The following APBA1 variants were observed in gnomAD, a reference collection of about 807,000 sequenced individuals.
The protein encoded by APBA1 is amyloid beta precursor protein binding family A member 1.
In APBA1, 55 loss-of-function variants were observed where a neutral mutation model predicts 86.6. That is an observed-to-expected ratio of 0.64 (90% CI 0.51 to 0.80). The LOEUF is 0.80. Ranked by LOEUF, APBA1 falls within the 30% of genes least tolerant of loss-of-function variation. The probability of loss-of-function intolerance (pLI) is 0.00; values close to 1 mark genes in which losing one functional copy is unlikely to be tolerated. For missense variants in APBA1, 1,090 were observed against 1,183.0 expected, an observed-to-expected ratio of 0.92 and a Z score of 1.15; for synonymous variants, 511 against 493.9, an observed-to-expected ratio of 1.03 and a Z score of -0.46.
intron 1 of APBA1, among the ~76,000 whole-genome samples, chr9:69,534,343 A>T (rs1196505968): frequency 6.6e-6 from 1 of 152,210 alleles, no homozygotes; most frequent in East Asian, 1.9e-4. Flanking sequence ...GACCATGGTT[A>T]GTTCTATTCA....
At position 69,474,147 on chromosome 9, in the gene APBA1, G is replaced by A. The variant is rs145365908; in HGVS notation, c.1296+1901C>T. ...CTAAGATCTTTGGGGTTTGGGTTTG[G>A]GGGTCACACAAATCGACTCGTGCAG... On this transcript the variant is annotated intron_variant, in intron 3 of 12. Coordinates refer to ENST00000265381, the MANE Select transcript of APBA1 (RefSeq NM_001163.4). 4.6e-5 allele frequency: 7 copies of A among 152,272 alleles called. 1 individual carries two copies. The East Asian group carries it at 9.6e-4, about 21-fold the overall frequency. 9.4% of individuals were successfully genotyped at this position (152,272 alleles called of 1,614,324 possible).
chr9:69,603,875 CCTCT>C (rs1474170624), intron 1 of APBA1, among the ~76,000 whole-genome samples: 2 of 152,296 alleles, frequency 1.3e-5, no homozygotes, highest in South Asian at 2.1e-4. Context: ...AACATCATGC[CCTCT>C]CTAACAGAGA....
At chr9:69,431,423 T>TG (rs778085161) in intron 12 of APBA1, 25 bp from the exon 13 acceptor site, 10 of 1,606,848 alleles carry the variant, frequency 6.2e-6, no homozygotes, top group Admixed American at 3.4e-5. Context: ...CACACTTTAG[T>TG]GGGGGGCTGA....
Position 69,594,771 on chromosome 9 carries a change from G to GA in APBA1, c.-70+77381dup, listed in dbSNP as rs1822197192. Among the ~76,000 whole-genome samples the GA allele has an allele frequency of 2.0e-5, 3 of 152,108 alleles. No individual in the cohort carries two copies. The South Asian group carries it at 6.2e-4, about 32-fold the overall frequency. ...CCAACATTTGTAGTTCTTTTCTGAT[G>GA]AGTAGACATTACCCAAGCCAATCAT... On this transcript the variant is annotated intron_variant, in intron 1 of 12. Coordinates refer to ENST00000265381, the MANE Select transcript of APBA1 (RefSeq NM_001163.4).
intron 1 of APBA1, among the ~76,000 whole-genome samples, chr9:69,651,284 G>A (rs887181268): frequency 4.6e-5 from 7 of 152,196 alleles, no homozygotes; most frequent in African/African-American, 1.2e-4. Context: ...GGGAGGGAGC[G>A]TGAGAGGATC....
rs1171101409 is a variant in APBA1 at position 69,489,558 on chromosome 9, T to A, written c.1201-13415A>T. ...GGCAACCTACAAAAATGGGAGAAAA[T>A]TTTCCCAACCTACTCATCTGACAAA... On this transcript the variant is annotated intron_variant, in intron 2 of 12. Coordinates refer to ENST00000265381, the MANE Select transcript of APBA1 (RefSeq NM_001163.4). 2.0e-5 allele frequency among the ~76,000 whole-genome samples: 3 copies of A among 151,838 alleles called. No individual in the cohort carries two copies. In the East Asian group the frequency reaches 5.8e-4, roughly 29 times the overall value.
chr9:69,558,561 C>CACACATATAT lies in APBA1; in HGVS notation c.-69-41283_-69-41282insATATATGTGT, dbSNP rs1554701130. ...ACACACACATACACACACACACACA[C>CACACATATAT]ATATATATATATATATATATACACA... On this transcript the variant is annotated intron_variant, in intron 1 of 12. Coordinates refer to ENST00000265381, the MANE Select transcript of APBA1 (RefSeq NM_001163.4). Among the ~76,000 whole-genome samples, 268 of 142,846 alleles carry CACACATATAT rather than the reference C, an allele frequency of 1.9e-3. 1 individual carries two copies. The highest frequency in any genetic ancestry group is 7.2e-3 in the African/African-American group (260 of 35,896). The allele number at this position is 142,846 out of a possible 152,430, so 93.7% of individuals were successfully genotyped here. A position where few individuals can be genotyped will look rare whatever the true frequency, so the allele number is the denominator to read the frequency against.
chr9:69,660,645 C>T (rs1454570673), intron 1 of APBA1, among the ~76,000 whole-genome samples: 1 of 152,032 alleles, frequency 6.6e-6, no homozygotes, highest in Non-Finnish European at 1.5e-5. Flanking sequence ...CAATCATTCC[C>T]AAAGCTTTAC....
intron 1 of APBA1, 130 bp from the exon 2 acceptor site, chr9:69,517,409 A>C: frequency 1.1e-6 from 1 of 931,668 alleles, no homozygotes; most frequent in South Asian, 3.7e-5. Context: ...AAAGACTGCA[A>C]ATTTAAGTTC....
chr9:69,465,581 C>T (rs1631689), intron 5 of APBA1: 79,166 of 151,700 alleles, frequency 0.52, 21,907 homozygotes, highest in African/African-American at 0.71. Context: ...TTCGTGGAAA[C>T]AGGAAGACAG....
intron 11 of APBA1, among the ~76,000 whole-genome samples, chr9:69,440,610 C>T (rs1459818708): frequency 6.6e-6 from 1 of 152,146 alleles, no homozygotes; most frequent in African/African-American, 2.4e-5. Context: ...TCCTGGTGTG[C>T]CGTTTGTTAT....
At chr9:69,584,187 ATATG>A (rs1821972386) in intron 1 of APBA1, among the ~76,000 whole-genome samples, 1 of 152,056 alleles carries the variant, frequency 6.6e-6, no homozygotes, top group African/African-American at 2.4e-5. Flanking sequence ...AATGAGATAG[ATATG>A]TATGTTTCCA....
chr9:69,458,843 GT>G (rs960215670), intron 5 of APBA1, among the ~76,000 whole-genome samples: 3 of 144,154 alleles, frequency 2.1e-5, no homozygotes, highest in Non-Finnish European at 4.5e-5. Context: ...TTTTGCTCTT[GT>G]TGCCCAGGCT....
Position 69,516,470 on chromosome 9 carries a change from GT to G in APBA1, c.740del (p.Asp247AlafsTer27). On this transcript the variant is annotated frameshift_variant, in exon 2 of 13. Transcript: ENST00000265381. LOFTEE classifies it high-confidence loss of function. This position sits in a 1 kb window ranked among gnomAD's most constrained non-coding sequence, Gnocchi z 7.3. ...CGAACTCGGCCTCCTTCTCGGGGCT[GT>G]CGGACTCGCCGTCGGAGCGCTCGTC... ...HYDERSDGES[D>X]SPEKEAEFAP... 6.2e-7 allele frequency: 1 copy of G among 1,601,766 alleles called. No individual in the cohort carries two copies. The highest frequency in any genetic ancestry group is 8.5e-7 in the Non-Finnish European group (1 of 1,178,552).
At chr9:69,503,158 T>C (rs372325903) in intron 2 of APBA1, among the ~76,000 whole-genome samples, 19 of 152,254 alleles carry the variant, frequency 1.2e-4, no homozygotes, top group African/African-American at 4.3e-4. Flanking sequence ...CCTTTCTCTG[T>C]GTTTCCAGGA....
At chr9:69,565,949 C>A (rs542895138) in intron 1 of APBA1, among the ~76,000 whole-genome samples, 1 of 152,332 alleles carries the variant, frequency 6.6e-6, no homozygotes, top group South Asian at 2.1e-4. Flanking sequence ...AAGCCCTGAC[C>A]GTGGCCTCAA....
At chr9:69,506,126 C>T (rs1367605600) in intron 2 of APBA1, among the ~76,000 whole-genome samples, 12 of 151,844 alleles carry the variant, frequency 7.9e-5, no homozygotes, top group Admixed American at 2.0e-4. Context: ...CAGAAGAAGA[C>T]GGGTGATTTC....
At chr9:69,646,291 C>T (rs1823388396) in intron 1 of APBA1, among the ~76,000 whole-genome samples, 1 of 152,142 alleles carries the variant, frequency 6.6e-6, no homozygotes, top group African/African-American at 2.4e-5. Flanking sequence ...CCATTCTGCT[C>T]ATATACAGTT....
intron 1 of APBA1, among the ~76,000 whole-genome samples, chr9:69,568,187 C>T (rs542262400): frequency 6.6e-6 from 1 of 152,218 alleles, no homozygotes; most frequent in East Asian, 1.9e-4. Flanking sequence ...CTGAGAATGT[C>T]CCCCATGCCC....
Sources: gnomAD v4.1 joint callset for allele counts (sites outside exome capture counted in the v4.1 genomes callset) on GRCh38, gnomAD v4.1.1 for gene constraint, Gnocchi (gnomAD v3.1) non-coding constraint, MANE v1.5 for transcripts, NCBI Gene and HGNC (gene_info 2026-07-23, HGNC 2026-07-21) for gene names.